The following PKNOX2 variants were observed in gnomAD, a reference collection of about 807,000 sequenced individuals.
PKNOX2 encodes PBX/knotted 1 homeobox 2.
PKNOX2 carries 14 observed loss-of-function variants against 53.1 expected under a neutral mutation model. That is an observed-to-expected ratio of 0.26 (90% CI 0.17 to 0.41). The LOEUF (loss-of-function observed/expected upper bound fraction) is 0.41, where lower values mean the gene tolerates loss of function less well. PKNOX2 is among the 10% of genes least tolerant of loss of function. The pLI is 1.00. For synonymous variants in PKNOX2, 257 were observed against 242.8 expected (o/e 1.06, Z -0.54); for missense variants, 496 against 602.8 (o/e 0.82, Z 1.85).
intron 2 of PKNOX2, among the ~76,000 whole-genome samples, chr11:125,248,902 T>TAA (rs1404031287): frequency 7.6e-6 from 1 of 130,996 alleles, no homozygotes; most frequent in Non-Finnish European, 1.7e-5. Flanking sequence ...ATAATATATA[T>TAA]AACGTATATA....
intron 1 of PKNOX2, among the ~76,000 whole-genome samples, chr11:125,203,670 T>C (rs1938720329): frequency 6.6e-6 from 1 of 152,156 alleles, no homozygotes; most frequent in African/African-American, 2.4e-5. Flanking sequence ...CTAGGGGCTT[T>C]TGGGAGCAGA....
At position 125,165,263 on chromosome 11, in the gene PKNOX2, C is replaced by A. The variant is rs1591465446; in HGVS notation, c.-201+487C>A. Among the ~76,000 whole-genome samples, 1 of 151,980 alleles carries A rather than the reference C, an allele frequency of 6.6e-6. No individual in the cohort carries two copies. Among genetic ancestry groups the A allele is most frequent in the Non-Finnish European group, 1.5e-5 (1 of 67,972 alleles). On this transcript the variant is annotated intron_variant, in intron 1 of 12. Coordinates refer to ENST00000298282, the MANE Select transcript of PKNOX2 (RefSeq NM_001382323.2). This position sits in a 1 kb window ranked among gnomAD's most constrained non-coding sequence, Gnocchi z 4.5. ...AATCGCCGCGGGCCCAACCCCGTAG[C>A]GGGCGGGCGGGGAGCTGTGCGCCAG...
At chr11:125,225,849 C>A in intron 1 of PKNOX2, among the ~76,000 whole-genome samples, 1 of 152,220 alleles carries the variant, frequency 6.6e-6, no homozygotes, top group East Asian at 1.9e-4. Flanking sequence ...TGGGGTGCAC[C>A]TCCTGGGTAG....
At chr11:125,371,069 G>A (rs1469422948) in intron 5 of PKNOX2, among the ~76,000 whole-genome samples, 2 of 152,186 alleles carry the variant, frequency 1.3e-5, no homozygotes, top group Non-Finnish European at 2.9e-5. Context: ...TTAATGAAAT[G>A]TACTGGTTCC....
At chr11:125,279,409 G>C (rs556166927) in intron 2 of PKNOX2, among the ~76,000 whole-genome samples, 9 of 152,208 alleles carry the variant, frequency 5.9e-5, no homozygotes, top group Non-Finnish European at 1.3e-4. Context: ...TGATAAAGGA[G>C]ACCCGAGAAG....
intron 6 of PKNOX2, among the ~76,000 whole-genome samples, chr11:125,389,461 G>A (rs191857294): frequency 3.9e-4 from 59 of 152,258 alleles, no homozygotes; most frequent in African/African-American, 1.4e-3. Context: ...CACCCTCATG[G>A]TGGTCAAGCT....
At chr11:125,365,218 G>A (rs146936333) in intron 4 of PKNOX2, among the ~76,000 whole-genome samples, 5 of 151,924 alleles carry the variant, frequency 3.3e-5, no homozygotes, top group Admixed American at 6.6e-5. Flanking sequence ...ATGAAGTACC[G>A]AACCCCTTTA....
At chr11:125,229,150 A>G (rs1202887035) in intron 1 of PKNOX2, among the ~76,000 whole-genome samples, 1 of 152,096 alleles carries the variant, frequency 6.6e-6, no homozygotes, top group Non-Finnish European at 1.5e-5. Context: ...GCAGCTGAGT[A>G]CGGCACAGCT....
At position 125,343,104 on chromosome 11, in the gene PKNOX2, C is replaced by T. The variant is rs377023814; in HGVS notation, c.-22-8180C>T. On this transcript the variant is annotated intron_variant, in intron 3 of 12. Coordinates refer to ENST00000298282, the MANE Select transcript of PKNOX2 (RefSeq NM_001382323.2). ...CCAGGGCAGCAGCTGTGGCCTCCCT[C>T]CTGCCTCCATTCCTGGGGGTGAACA... Among the ~76,000 whole-genome samples the T allele has an allele frequency of 4.8e-4, 73 of 152,174 alleles. 1 individual carries two copies. The East Asian group carries it at 0.011, about 24-fold the overall frequency.
rs999098855 is a variant in PKNOX2, at chr11:125,183,193, G to T, written c.-201+18417G>T. Among the ~76,000 whole-genome samples, 19 of 131,370 alleles carry T rather than the reference G, an allele frequency of 1.4e-4. 1 individual carries two copies. The highest frequency in any genetic ancestry group is 3.0e-4 in the Non-Finnish European group (19 of 62,406). 86.2% of individuals were successfully genotyped at this position (131,370 alleles called of 152,430 possible). A position where few individuals can be genotyped will look rare whatever the true frequency, so the allele number is the denominator to read the frequency against. On this transcript the variant is annotated intron_variant, in intron 1 of 12. Transcript: ENST00000298282. ...GCACATGGTGGCTGTAGCATGCGAT[G>T]AATCCTTTTTTTTTTTTTTTTTTTT...
chr11:125,225,241 C>T (rs561704108), intron 1 of PKNOX2, among the ~76,000 whole-genome samples: 3 of 152,216 alleles, frequency 2.0e-5, no homozygotes, highest in Non-Finnish European at 4.4e-5. Flanking sequence ...TCATACTTAA[C>T]TCCCTAGTCA....
chr11:125,383,645 A>G (rs551830518), intron 5 of PKNOX2, among the ~76,000 whole-genome samples: 1 of 152,250 alleles, frequency 6.6e-6, no homozygotes, highest in African/African-American at 2.4e-5. Context: ...TTACTGTTTC[A>G]GTATGGTAGT....
chr11:125,386,553 G>A (rs897757486), intron 6 of PKNOX2, among the ~76,000 whole-genome samples: 2 of 152,118 alleles, frequency 1.3e-5, no homozygotes, highest in South Asian at 2.1e-4. Flanking sequence ...GTGGATTACC[G>A]AGGTTATGCA....
intron 1 of PKNOX2, among the ~76,000 whole-genome samples, chr11:125,202,573 G>T (rs899191922): frequency 6.6e-6 from 1 of 152,192 alleles, no homozygotes; most frequent in African/African-American, 2.4e-5. Flanking sequence ...CTGGCACCAA[G>T]GTGTCCAGGC....
intron 10 of PKNOX2, among the ~76,000 whole-genome samples, chr11:125,428,023 A>T (rs1956512227): frequency 5.3e-5 from 8 of 152,084 alleles, no homozygotes; most frequent in Admixed American, 5.2e-4. Context: ...TCTCCTTCTT[A>T]GCCTCTACAG....
At chr11:125,233,426 G>T (rs138352383) in intron 1 of PKNOX2, among the ~76,000 whole-genome samples, 80 of 152,350 alleles carry the variant, frequency 5.3e-4, no homozygotes, top group African/African-American at 1.8e-3. Flanking sequence ...CCAGCCAAGG[G>T]TTGGTTCTGA....
chr11:125,395,100 ATCTG>A (rs1195287357), intron 6 of PKNOX2, among the ~76,000 whole-genome samples: 3 of 152,168 alleles, frequency 2.0e-5, no homozygotes, highest in African/African-American at 7.2e-5. Context: ...TCAACCACTA[ATCTG>A]TCTTTCTGTC....
intron 3 of PKNOX2, among the ~76,000 whole-genome samples, chr11:125,344,118 G>T (rs1950849078): frequency 1.3e-5 from 2 of 152,178 alleles, no homozygotes; most frequent in African/African-American, 4.8e-5. Context: ...CCTCCCCATA[G>T]TGAACCATGG....
chr11:125,182,473 C>T (rs1326879489), intron 1 of PKNOX2, among the ~76,000 whole-genome samples: 2 of 152,174 alleles, frequency 1.3e-5, no homozygotes, highest in African/African-American at 4.8e-5. Flanking sequence ...TAACTTTGGC[C>T]AAATGTCTTA....
Sources: gnomAD v4.1 joint callset for allele counts (sites outside exome capture counted in the v4.1 genomes callset) on GRCh38, gnomAD v4.1.1 for gene constraint, Gnocchi (gnomAD v3.1) non-coding constraint, MANE v1.5 for transcripts, NCBI Gene and HGNC (gene_info 2026-07-23, HGNC 2026-07-21) for gene names.